Variants in SPMIP7 observed in about 807,000 individuals in gnomAD.
SPMIP7 encodes protein SPMIP7.
At chr7:50,154,569 C>T in the SPMIP7 span, among the ~76,000 whole-genome samples, 6 of 152,182 alleles carry the variant, frequency 3.9e-5, no homozygotes, top group Non-Finnish European at 8.8e-5. Context: ...GGCAGGATCT[C>T]CTACTTTTTA....
chr7:50,117,842 C>T, the SPMIP7 span, among the ~76,000 whole-genome samples: 5 of 152,268 alleles, frequency 3.3e-5, no homozygotes, highest in East Asian at 9.7e-4. Context: ...TAGTTACATG[C>T]TTTTGGAGTA....
the SPMIP7 span, among the ~76,000 whole-genome samples, chr7:50,126,156 G>T: frequency 1.3e-5 from 2 of 151,890 alleles, no homozygotes; most frequent in Non-Finnish European, 2.9e-5. Context: ...AGCTTTGAAA[G>T]AATTAATGAA....
chr7:50,109,137 G>A, the SPMIP7 span, among the ~76,000 whole-genome samples: 1 of 152,100 alleles, frequency 6.6e-6, no homozygotes, highest in Non-Finnish European at 1.5e-5. Context: ...ATTGATTTAT[G>A]ATATATAAAA....
At chr7:50,109,440 A>G in the SPMIP7 span, among the ~76,000 whole-genome samples, 1 of 152,178 alleles carries the variant, frequency 6.6e-6, no homozygotes, top group East Asian at 1.9e-4. Context: ...CAGCGGCATG[A>G]TCTTAGCTCA....
At chr7:50,113,294 GTTTAAAAAAT>G in the SPMIP7 span, among the ~76,000 whole-genome samples, 4 of 152,012 alleles carry the variant, frequency 2.6e-5, no homozygotes, top group Non-Finnish European at 5.9e-5. Context: ...TAAGTTCTCA[GTTTAAAAAAT>G]AAAATGAAAC....
chr7:50,115,698 G>T, the SPMIP7 span, among the ~76,000 whole-genome samples: 4 of 152,192 alleles, frequency 2.6e-5, no homozygotes, highest in South Asian at 8.3e-4. Flanking sequence ...GGTTTATTCA[G>T]GTATGTAAGT....
chr7:50,124,557 T>C, the SPMIP7 span, among the ~76,000 whole-genome samples: 1 of 152,086 alleles, frequency 6.6e-6, no homozygotes, highest in Non-Finnish European at 1.5e-5. Context: ...CAGAGTCAAA[T>C]TAAAAATCAA....
chr7:50,141,553 T>A, the SPMIP7 span: 2 of 571,370 alleles, frequency 3.5e-6, no homozygotes, highest in Admixed American at 5.7e-5. Context: ...CAAAGGAGAT[T>A]TTGGGGATTG....
chr7:50,153,628 G>A, the SPMIP7 span, among the ~76,000 whole-genome samples: 2 of 152,212 alleles, frequency 1.3e-5, no homozygotes, highest in Admixed American at 6.5e-5. Flanking sequence ...AACCCTGTGA[G>A]GAAGGGAATG....
At chr7:50,156,327 A>ACTT in the SPMIP7 span, among the ~76,000 whole-genome samples, 1 of 152,002 alleles carries the variant, frequency 6.6e-6, no homozygotes, top group Non-Finnish European at 1.5e-5. Context: ...TAGTGAGCTA[A>ACTT]CTTCCTCCTG....
chr7:50,095,888 C>T, the SPMIP7 span: 4 of 434,268 alleles, frequency 9.2e-6, no homozygotes, highest in Admixed American at 7.7e-5. Context: ...CCTTCATTGC[C>T]CTATTCTTCC....
At chr7:50,148,372 G>A in the SPMIP7 span, among the ~76,000 whole-genome samples, 1 of 152,304 alleles carries the variant, frequency 6.6e-6, no homozygotes, top group Middle Eastern at 3.4e-3. Flanking sequence ...TGCCACAGAG[G>A]CACAGAGGCT....
chr7:50,137,235 A>AAC, the SPMIP7 span, among the ~76,000 whole-genome samples: 12 of 152,186 alleles, frequency 7.9e-5, no homozygotes, highest in African/African-American at 2.9e-4. Flanking sequence ...ACATTAATAG[A>AAC]ACACAAAGTA....
chr7:50,138,546 G>A, the SPMIP7 span, among the ~76,000 whole-genome samples: 3 of 152,020 alleles, frequency 2.0e-5, no homozygotes, highest in Admixed American at 6.5e-5. Context: ...TTTGATCATC[G>A]CCTCAGTGGA....
chr7:50,113,297 T>C, the SPMIP7 span, among the ~76,000 whole-genome samples: 1 of 151,956 alleles, frequency 6.6e-6, no homozygotes, highest in Non-Finnish European at 1.5e-5. Context: ...GTTCTCAGTT[T>C]AAAAAATAAA....
chr7:50,114,895 TG>T, the SPMIP7 span, among the ~76,000 whole-genome samples: 2 of 151,720 alleles, frequency 1.3e-5, no homozygotes, highest in African/African-American at 2.4e-5. Context: ...CCGGATGTAG[TG>T]GCGGGCGCCT....
the SPMIP7 span, among the ~76,000 whole-genome samples, chr7:50,124,611 A>T: frequency 6.6e-6 from 1 of 152,200 alleles, no homozygotes; most frequent in Non-Finnish European, 1.5e-5. Flanking sequence ...TTTAAAATTA[A>T]ACACACTTCT....
the SPMIP7 span, chr7:50,140,164 A>T: frequency 6.6e-7 from 1 of 1,506,700 alleles, no homozygotes; most frequent in South Asian, 1.3e-5. Context: ...CTAGAAGTAA[A>T]TATATTCCTC....
chr7:50,134,062 A>G, the SPMIP7 span: 5 of 1,475,952 alleles, frequency 3.4e-6, no homozygotes, highest in East Asian at 2.5e-5. Flanking sequence ...AACTTTACCA[A>G]TTGAATATGC....
Sources: allele counts gnomAD v4.1 joint callset (sites outside exome capture counted in the v4.1 genomes callset), GRCh38; gene constraint gnomAD v4.1.1; transcripts MANE v1.5; gene names NCBI Gene and HGNC (gene_info 2026-07-23, HGNC 2026-07-21).